PKN3: variants seen among roughly 807,000 people sequenced by gnomAD.
PKN3 encodes serine/threonine-protein kinase N3.
In PKN3, 91 loss-of-function variants were observed where a neutral mutation model predicts 113.1. The ratio of observed to expected loss-of-function variants is 0.80; its 90% confidence interval spans 0.68 to 0.96. The LOEUF is 0.96. Ranked by LOEUF, PKN3 falls within the 40% of genes least tolerant of loss-of-function variation. PKN3 has a pLI of 0.00. For missense variants in PKN3, 1,052 were observed against 1,202.2 expected, an observed-to-expected ratio of 0.88 and a Z score of 1.85; for synonymous variants, 467 against 499.0, an observed-to-expected ratio of 0.94 and a Z score of 0.85.
Position 128,713,161 on chromosome 9 carries a change from C to A in PKN3, c.945C>A (p.Thr315=). The A allele has an allele frequency of 6.2e-7, 1 of 1,610,436 alleles. No individual in the cohort carries two copies. The highest frequency in any genetic ancestry group is 1.1e-5 in the South Asian group (1 of 90,866). Residue 315 remains threonine (T), a synonymous_variant, in exon 7 of 22, where the codon ACC becomes ACA. Coordinates refer to ENST00000291906, the MANE Select transcript of PKN3 (RefSeq NM_013355.5). ...ASSPSEGWLR[T]KAKHQRGRGE... ...GCCCCTCCGAGGGCTGGCTTCGGAC[C>A]AAGGCCAAGCACCAGCGTGGCCGAG...
intron 2 of PKN3, 62 bp from the exon 3 acceptor site, chr9:128,705,672 G>A: frequency 6.5e-7 from 1 of 1,542,308 alleles, no homozygotes; most frequent in Non-Finnish European, 8.8e-7. Context: ...AAGGAGGAAA[G>A]GCCACAGTGG....
intron 1 of PKN3, chr9:128,703,557 A>T (rs1483685091): frequency 3.8e-5 from 37 of 985,224 alleles, no homozygotes; most frequent in Non-Finnish European, 3.1e-5. Flanking sequence ...GACCGAGGCC[A>T]TGTCTATCTG....
At chr9:128,711,418 T>G (rs947328532) in intron 6 of PKN3, among the ~76,000 whole-genome samples, 1 of 151,910 alleles carries the variant, frequency 6.6e-6, no homozygotes, top group African/African-American at 2.4e-5. Flanking sequence ...GCCATTCTTC[T>G]GCCTCAGCCT....
At position 128,720,718 on chromosome 9, in the gene PKN3, T is replaced by G. The variant is rs1862515705; in HGVS notation, c.*112T>G. 1 of 951,950 alleles carries G rather than the reference T, an allele frequency of 1.1e-6. No homozygotes were observed. Among genetic ancestry groups the G allele is most frequent in the Non-Finnish European group, 1.6e-6 (1 of 638,368 alleles). The allele number at this position is 951,950 out of a possible 1,614,324, so 59.0% of individuals were successfully genotyped here. A position where few individuals can be genotyped will look rare whatever the true frequency, so the allele number is the denominator to read the frequency against. On this transcript the variant is annotated 3_prime_UTR_variant, in exon 22 of 22. Transcript: ENST00000291906. This position sits in a 1 kb window ranked among gnomAD's most constrained non-coding sequence, Gnocchi z 5.5. The stretch of plus-strand genomic sequence containing the variant: ...GGCCTTGCTGGGTACTTCTGAGCCC[T>G]TGGGATTCAAAGTGGCAGCCATGGG...
At position 128,716,933 on chromosome 9, in the gene PKN3, A is replaced by T. The variant is rs762684146; in HGVS notation, c.1985+10A>T. Reference sequence around the variant, plus strand: ...CCGAGCCCCAGGCCCGGTGGGTTCCATCCCTCCTGCCTGCCTCTTCCAGCA... The same window carrying T: ...CCGAGCCCCAGGCCCGGTGGGTTCCTTCCCTCCTGCCTGCCTCTTCCAGCA... On this transcript the variant is annotated intron_variant, in intron 16 of 21. Transcript: ENST00000291906. 1.4e-5 allele frequency: 23 copies of T among 1,612,264 alleles called. No individual in the cohort carries two copies. In the South Asian group the frequency reaches 2.3e-4, roughly 16 times the overall value.
At chr9:128,718,064 T>C (rs1258989639) in intron 16 of PKN3, among the ~76,000 whole-genome samples, 1 of 150,770 alleles carries the variant, frequency 6.6e-6, no homozygotes, top group Non-Finnish European at 1.5e-5. Flanking sequence ...ATGATGAATA[T>C]CCACTGCAGG....
At chr9:128,718,931 T>C (rs1158515067) in intron 18 of PKN3, among the ~76,000 whole-genome samples, 1 of 142,666 alleles carries the variant, frequency 7.0e-6, no homozygotes, top group Non-Finnish European at 1.5e-5. Context: ...AGTCTTGCTG[T>C]GCCGCCCAGG....
At chr9:128,703,012 A>G in intron 1 of PKN3, 73 bp downstream of exon 1, 1 of 1,041,786 alleles carries the variant, frequency 9.6e-7, no homozygotes, top group Non-Finnish European at 1.3e-6. Flanking sequence ...GGAGCCCCGA[A>G]CCGCGGCCGC....
chr9:128,706,926 A>G lies in PKN3; in HGVS notation c.554A>G (p.His185Arg), dbSNP rs1185824186. The change falls in exon 5 of 22, where the codon CAT becomes CGT. Residue 185 changes from histidine (H) to arginine (R), a missense_variant. His to Arg is a conservative substitution (Grantham distance 29). This residue lies in a region of PKN3 where 719 missense variants were observed against 759.4 expected (regional missense o/e 0.95). Transcript: ENST00000291906. ...GPELLAEELQHRLHVEAAVAE... is the reference protein window; with the variant it reads ...GPELLAEELQRRLHVEAAVAE... ...GAGCTGCTGGCGGAGGAGCTACAGCATCGACTGCACGTTGAGGCAGCTGTG... is the reference window on the plus strand; with the variant it reads ...GAGCTGCTGGCGGAGGAGCTACAGCGTCGACTGCACGTTGAGGCAGCTGTG... 3 of 1,614,086 alleles carry G rather than the reference A, an allele frequency of 1.9e-6. No individual in the cohort carries two copies. Among genetic ancestry groups the G allele is most frequent in the Non-Finnish European group, 2.5e-6 (3 of 1,180,032 alleles).
chr9:128,718,387 G>A lies in PKN3; in HGVS notation c.2048G>A (p.Arg683Lys). ...TTACACGAGAAGAAGATCATTTACA[G>A]GTGACTTTTGTCCCAGGGATGCACG... ...QFLHEKKIIY[R>K]DLKLDNLLLD... Residue 683 changes from arginine (R) to lysine (K), a missense_variant and splice_region_variant, in exon 17 of 22, where the codon AGG becomes AAG. Physicochemically the swap from Arg to Lys is conservative, Grantham distance 26. Coordinates refer to ENST00000291906, the MANE Select transcript of PKN3 (RefSeq NM_013355.5). The A allele has an allele frequency of 6.2e-7, 1 of 1,611,404 alleles. No individual in the cohort carries two copies. The highest frequency in any genetic ancestry group is 8.5e-7 in the Non-Finnish European group (1 of 1,178,082).
rs1862308271 is a variant in PKN3, at chr9:128,715,349, C to T, written c.1717-20C>T. 1 of 1,611,310 alleles carries T rather than the reference C, an allele frequency of 6.2e-7. No homozygotes were observed. Among genetic ancestry groups the T allele is most frequent in the Non-Finnish European group, 8.5e-7 (1 of 1,177,476 alleles). On this transcript the variant is annotated intron_variant, in intron 14 of 21. Transcript: ENST00000291906. This position sits in a 1 kb window ranked among gnomAD's most constrained non-coding sequence, Gnocchi z 4.1. Reference sequence around the variant, plus strand: ...TCCCTGGTCTGGCCCACCTGGAGCACAACCTCTCTCTGGCCCCAGGTCCTC... The same window carrying T: ...TCCCTGGTCTGGCCCACCTGGAGCATAACCTCTCTCTGGCCCCAGGTCCTC...
chr9:128,710,482 G>A (rs1264720362), intron 6 of PKN3, among the ~76,000 whole-genome samples: 2 of 151,998 alleles, frequency 1.3e-5, no homozygotes, highest in Admixed American at 6.6e-5. Flanking sequence ...TTGGGGAATC[G>A]AGGAATATTT....
intron 1 of PKN3, chr9:128,703,533 G>A (rs1037240173): frequency 3.7e-5 from 36 of 985,334 alleles, no homozygotes; most frequent in Non-Finnish European, 4.1e-5. Context: ...CAGTAGGTGC[G>A]CGTGGGCCCG....
intron 18 of PKN3, among the ~76,000 whole-genome samples, chr9:128,718,917 A>C (rs1862431797): frequency 1.7e-5 from 2 of 114,640 alleles, no homozygotes; most frequent in Admixed American, 1.2e-4. Flanking sequence ...TTTTTTTGAG[A>C]CGGAGTCTTG....
chr9:128,714,140 CTA>C lies in PKN3; in HGVS notation c.1312+21_1312+22del. On this transcript the variant is annotated intron_variant, in intron 10 of 21. Transcript: ENST00000291906. ...CGCAGAGGTGTGGAGGGAATGGGGGCTATGTGTGAGGGAGCAGGGCTGGGGTC... is the reference window on the plus strand; with the variant it reads ...CGCAGAGGTGTGGAGGGAATGGGGGCTGTGTGAGGGAGCAGGGCTGGGGTC... 6.2e-7 allele frequency: 1 copy of C among 1,614,022 alleles called. No individual in the cohort carries two copies. Among genetic ancestry groups the C allele is most frequent in the Non-Finnish European group, 8.5e-7 (1 of 1,179,926 alleles).
At position 128,714,250 on chromosome 9, in the gene PKN3, C is replaced by T. The variant is rs753836061; in HGVS notation, c.1366C>T (p.Arg456Cys). The stretch of plus-strand genomic sequence containing the variant: ...GAACCTCGGCATGGCGGCCTGGGGG[C>T]GCCTCGTCATGAACCTGCTGCCCCC... ...QMNLGMAAWG[R>C]LVMNLLPPCS... is the part of the protein sequence containing the mutation. Residue 456 changes from arginine (R) to cysteine (C), a missense_variant, in exon 11 of 22, where the codon CGC becomes TGC. Arg to Cys is a radical substitution (Grantham distance 180). Coordinates refer to ENST00000291906, the MANE Select transcript of PKN3 (RefSeq NM_013355.5). 20 of 1,613,760 alleles carry T rather than the reference C, an allele frequency of 1.2e-5. No homozygotes were observed. The highest frequency in any genetic ancestry group is 5.3e-5 in the African/African-American group (4 of 74,862).
intron 18 of PKN3, among the ~76,000 whole-genome samples, chr9:128,719,353 C>CT (rs1862450611): frequency 6.7e-6 from 1 of 150,218 alleles, no homozygotes; most frequent in Non-Finnish European, 1.5e-5. Context: ...CCACACCCAG[C>CT]TTATTTTTTG....
At chr9:128,711,456 G>A (rs903062541) in intron 6 of PKN3, among the ~76,000 whole-genome samples, 1 of 151,074 alleles carries the variant, frequency 6.6e-6, no homozygotes, top group Non-Finnish European at 1.5e-5. Flanking sequence ...AACTACAGGC[G>A]CCCGCCACTG....
In PKN3 at chr9:128,714,843, T is replaced by A. The variant is rs2049172358; in HGVS notation, c.1630T>A (p.Ser544Thr). 1 of 1,613,974 alleles carries A rather than the reference T, an allele frequency of 6.2e-7. No individual in the cohort carries two copies. The highest frequency in any genetic ancestry group is 1.3e-5 in the African/African-American group (1 of 75,024). Residue 544 changes from serine (S) to threonine (T), a missense_variant, in exon 13 of 22, where the codon TCT becomes ACT. Ser to Thr is a moderately conservative substitution (Grantham distance 58). Transcript: ENST00000291906. ...HMEPRTRRGPSPPASPTRKPP... is the reference protein window; with the variant it reads ...HMEPRTRRGPTPPASPTRKPP... ...GGAGCCTAGGACTCGACGTGGGCCA[T>A]CTCCACCAGCCTCCCCCACCAGGTA... is the stretch of plus-strand genomic sequence containing the variant.
Sources: gnomAD v4.1 joint callset for allele counts (sites outside exome capture counted in the v4.1 genomes callset) on GRCh38, gnomAD v4.1.1 for gene constraint, gnomAD v4.1.1 regional missense constraint, Gnocchi (gnomAD v3.1) non-coding constraint, MANE v1.5 for transcripts, NCBI Gene and HGNC (gene_info 2026-07-23, HGNC 2026-07-21) for gene names.